KIF6: variants seen among roughly 807,000 people sequenced by gnomAD.
The protein encoded by KIF6 is kinesin family member 6, also known as kinesin-like protein KIF6.
A neutral mutation model predicts 112.7 loss-of-function variants in KIF6; 106 were observed. That is an observed-to-expected ratio of 0.94 (90% confidence interval 0.80 to 1.11). KIF6 has a LOEUF of 1.11. Among genes scored for constraint, KIF6 ranks in the 50% least tolerant of loss-of-function variants. The probability of loss-of-function intolerance (pLI) is 0.00; values close to 1 mark genes in which losing one functional copy is unlikely to be tolerated. For synonymous variants in KIF6, 339 were observed against 339.9 expected (o/e 1.00, Z 0.03); for missense variants, 929 against 964.0 (o/e 0.96, Z 0.48).
intron 22 of KIF6, among the ~76,000 whole-genome samples, chr6:39,340,439 AGT>A (rs1184393324): frequency 1.3e-5 from 2 of 152,106 alleles, no homozygotes; most frequent in Non-Finnish European, 2.9e-5. Flanking sequence ...TTTTCAAGAC[AGT>A]GTGGCCCAGT....
chr6:39,495,008 A>T lies in KIF6; in HGVS notation c.1645+44995T>A, dbSNP rs555699412. 9.8e-5 allele frequency among the ~76,000 whole-genome samples: 15 copies of T among 152,302 alleles called. No homozygotes were observed. The South Asian group carries it at 1.0e-3, about 11-fold the overall frequency. The stretch of plus-strand genomic sequence containing the variant: ...TGCCCAATTTATTTAGGGAAAGGAA[A>T]TACAGGTGGAAAAAATCTGTATCCA... On this transcript the variant is annotated intron_variant, in intron 13 of 22. Transcript: ENST00000287152.
intron 7 of KIF6, among the ~76,000 whole-genome samples, chr6:39,593,109 T>C (rs953957250): frequency 1.3e-5 from 2 of 152,226 alleles, no homozygotes; most frequent in South Asian, 4.1e-4. Context: ...GCTAACATGA[T>C]AGTCCTGCCT....
chr6:39,524,114 G>T (rs1404758965), intron 13 of KIF6, among the ~76,000 whole-genome samples: 2 of 151,226 alleles, frequency 1.3e-5, no homozygotes, highest in Admixed American at 6.6e-5. Flanking sequence ...TCCAAAGTTT[G>T]GGCAAGGCTG....
At chr6:39,373,570 T>C (rs1258334515) in intron 16 of KIF6, among the ~76,000 whole-genome samples, 1 of 151,924 alleles carries the variant, frequency 6.6e-6, no homozygotes, top group African/African-American at 2.4e-5. Context: ...TTCTATATAC[T>C]AACAACAAAC....
Position 39,634,919 on chromosome 6 carries a change from C to A in KIF6, c.439G>T (p.Glu147Ter). The A allele has an allele frequency of 1.2e-6, 2 of 1,611,836 alleles. No individual in the cohort carries two copies. Among genetic ancestry groups the A allele is most frequent in the Non-Finnish European group, 1.7e-6 (2 of 1,178,296 alleles). The change falls in exon 5 of 23, where the codon GAA becomes TAA. Residue 147 changes from glutamate to a stop codon, truncating the protein, a stop_gained. Transcript: ENST00000287152. LOFTEE classifies it high-confidence loss of function. ...TCATAACCACATTCATTGTAGATTT[C>A]CAAATAGGAAATGTGTGTTGTATAT... is the stretch of plus-strand genomic sequence containing the variant. ...KIYTTHISYL[E>*]IYNECGYDLL...
chr6:39,725,218 C>T (rs371806108), intron 1 of KIF6, 27 bp downstream of exon 1: 8 of 1,598,094 alleles, frequency 5.0e-6, no homozygotes, highest in African/African-American at 2.7e-5. Flanking sequence ...CCCGCCGCGC[C>T]GGCGCCCCGG....
intron 5 of KIF6, among the ~76,000 whole-genome samples, chr6:39,630,496 T>C (rs1042145843): frequency 6.6e-6 from 1 of 152,034 alleles, no homozygotes; most frequent in Non-Finnish European, 1.5e-5. Flanking sequence ...TTATTGTTGG[T>C]ATATAGGAAA....
At position 39,680,477 on chromosome 6, in the gene KIF6, A is replaced by C. The variant is rs144275630; in HGVS notation, c.251+34215T>G. 7.8e-4 allele frequency among the ~76,000 whole-genome samples: 119 copies of C among 152,334 alleles called. 1 individual carries two copies. The highest frequency in any genetic ancestry group is 6.0e-3 in the East Asian group (31 of 5,178). ...CAACTTAGAGTTCAATACAGTAAACAGGAGAACACCAACAGAAAATTCACT... is the reference window on the plus strand; with the variant it reads ...CAACTTAGAGTTCAATACAGTAAACCGGAGAACACCAACAGAAAATTCACT... On this transcript the variant is annotated intron_variant, in intron 3 of 22. Transcript: ENST00000287152.
chr6:39,705,842 C>T (rs568069043), intron 3 of KIF6, among the ~76,000 whole-genome samples: 5 of 152,264 alleles, frequency 3.3e-5, no homozygotes, highest in African/African-American at 7.2e-5. Context: ...AGGACCCTAC[C>T]TTCCTTTCCT....
chr6:39,581,535 C>T (rs1781296812), intron 9 of KIF6, among the ~76,000 whole-genome samples: 2 of 152,070 alleles, frequency 1.3e-5, no homozygotes, highest in Non-Finnish European at 2.9e-5. Context: ...TTCAAACCTA[C>T]ATGAGGTAGA....
intron 13 of KIF6, among the ~76,000 whole-genome samples, chr6:39,438,067 T>A (rs1263955280): frequency 4.6e-5 from 7 of 152,140 alleles, no homozygotes; most frequent in Non-Finnish European, 7.3e-5. Flanking sequence ...AACTTCTGCC[T>A]CCTGGGTTCA....
At chr6:39,647,382 G>A (rs929922898) in intron 3 of KIF6, among the ~76,000 whole-genome samples, 3 of 152,098 alleles carry the variant, frequency 2.0e-5, no homozygotes, top group Non-Finnish European at 4.4e-5. Flanking sequence ...CTCAAGAGGG[G>A]CAGGCAGGTG....
rs550765001 is a variant in KIF6 at position 39,569,607 on chromosome 6, T to A, written c.1181+8449A>T. Among the ~76,000 whole-genome samples the A allele has an allele frequency of 3.3e-5, 5 of 152,346 alleles. No homozygotes were observed. The South Asian group carries it at 8.3e-4, about 25-fold the overall frequency. ...CAACTTAAATATGGTGGAAATGGCT[T>A]CTCCTAGAGTTACCTTTAAATGCTA... is the stretch of plus-strand genomic sequence containing the variant. On this transcript the variant is annotated intron_variant, in intron 10 of 22. Transcript: ENST00000287152.
In KIF6 at chr6:39,336,064, T is replaced by C. The variant is rs11758639; in HGVS notation, c.*468A>G. 0.043 allele frequency: 6,726 copies of C among 155,318 alleles called. 226 individuals are homozygous for C. Among genetic ancestry groups the C allele is most frequent in the Non-Finnish European group, 0.061 (4,264 of 70,186 alleles). 9.6% of individuals were successfully genotyped at this position (155,318 alleles called of 1,614,324 possible). A position where few individuals can be genotyped will look rare whatever the true frequency, so the allele number is the denominator to read the frequency against. ...TGGGACATCCTGCCTGGACCTGTCATGGCCATTTCTGGGCTTCCAAACCAG... is the reference window on the plus strand; with the variant it reads ...TGGGACATCCTGCCTGGACCTGTCACGGCCATTTCTGGGCTTCCAAACCAG... On this transcript the variant is annotated 3_prime_UTR_variant, in exon 23 of 23. Coordinates refer to ENST00000287152, the MANE Select transcript of KIF6 (RefSeq NM_145027.6).
chr6:39,536,370 T>C (rs1467802222), intron 13 of KIF6, among the ~76,000 whole-genome samples: 1 of 151,808 alleles, frequency 6.6e-6, no homozygotes, highest in Non-Finnish European at 1.5e-5. Context: ...CAATAAAAAA[T>C]GATAAAGGGG....
intron 3 of KIF6, among the ~76,000 whole-genome samples, chr6:39,656,320 A>G (rs895385950): frequency 6.6e-6 from 1 of 152,156 alleles, no homozygotes; most frequent in African/African-American, 2.4e-5. Context: ...CCTATACTCT[A>G]GACTGCCTTT....
chr6:39,461,028 AT>A (rs1208192419), intron 13 of KIF6, among the ~76,000 whole-genome samples: 1 of 152,162 alleles, frequency 6.6e-6, no homozygotes, highest in Non-Finnish European at 1.5e-5. Context: ...CTTCACATTC[AT>A]TTCAATATAT....
At chr6:39,717,433 T>C (rs1282190969) in intron 2 of KIF6, among the ~76,000 whole-genome samples, 2 of 152,204 alleles carry the variant, frequency 1.3e-5, no homozygotes, top group Non-Finnish European at 2.9e-5. Flanking sequence ...GATACTTGAA[T>C]GGCTGGCTTC....
chr6:39,337,216 TTTC>T (rs1464465486), intron 22 of KIF6, among the ~76,000 whole-genome samples: 6 of 110,998 alleles, frequency 5.4e-5, no homozygotes, highest in African/African-American at 3.6e-4. Flanking sequence ...TCTTTCTTTC[TTTC>T]TTTCTTTCTT....
Sources: allele counts gnomAD v4.1 joint callset (sites outside exome capture counted in the v4.1 genomes callset), GRCh38; gene constraint gnomAD v4.1.1; transcripts MANE v1.5; gene names NCBI Gene and HGNC (gene_info 2026-07-23, HGNC 2026-07-21).